The following TP63 variants were observed in gnomAD, a reference collection of about 807,000 sequenced individuals.
TP63 encodes tumor protein 63.
In TP63, 17 loss-of-function variants were observed where a neutral mutation model predicts 82.8. The observed-to-expected ratio is 0.21, with a 90% CI of 0.14 to 0.31. The LOEUF is 0.31. TP63 is among the 10% of genes least tolerant of loss of function. TP63 has a pLI of 1.00. For synonymous variants in TP63, 330 were observed against 321.7 expected (o/e 1.03, Z -0.28); for missense variants, 648 against 895.3 (o/e 0.72, Z 3.52).
chr3:189,771,302 A>ATATATATAATATATATT (rs1173675085), intron 3 of TP63, among the ~76,000 whole-genome samples: 2 of 123,390 alleles, frequency 1.6e-5, no homozygotes, highest in Non-Finnish European at 3.1e-5. Flanking sequence ...TATTATATTT[A>ATATATATAATATATATT]TATATATAAT....
intron 7 of TP63, among the ~76,000 whole-genome samples, 198 bp downstream of exon 7, chr3:189,868,140 A>G (rs1717961947): frequency 6.6e-6 from 1 of 152,218 alleles, no homozygotes; most frequent in East Asian, 1.9e-4. Flanking sequence ...GTTAGAAGGA[A>G]AAAAAGAGCT....
intron 4 of TP63, among the ~76,000 whole-genome samples, chr3:189,812,336 GACA>G (rs1462508607): frequency 2.0e-5 from 3 of 152,096 alleles, no homozygotes; most frequent in Non-Finnish European, 2.9e-5. Context: ...AGTAAAATAA[GACA>G]ACATTTTTCA....
chr3:189,655,271 C>CG (rs1713240056), intron 1 of TP63, among the ~76,000 whole-genome samples: 1 of 152,112 alleles, frequency 6.6e-6, no homozygotes, highest in Non-Finnish European at 1.5e-5. Flanking sequence ...AAAAGCTGGA[C>CG]AAATCAATAA....
chr3:189,745,708 CA>C (rs71298529), intron 3 of TP63, among the ~76,000 whole-genome samples: 1,022 of 17,728 alleles, frequency 0.058, 1 homozygote, highest in African/African-American at 0.13. Context: ...AACTCCATCT[CA>C]AAAAAAAAAA....
intron 1 of TP63, among the ~76,000 whole-genome samples, chr3:189,725,778 G>A (rs1024879157): frequency 1.3e-5 from 2 of 152,150 alleles, no homozygotes; most frequent in African/African-American, 4.8e-5. Context: ...TTTGCAGGCC[G>A]GGTGTGGTGG....
At chr3:189,797,693 C>G (rs925880865) in intron 3 of TP63, among the ~76,000 whole-genome samples, 3 of 152,024 alleles carry the variant, frequency 2.0e-5, no homozygotes, top group African/African-American at 7.2e-5. Flanking sequence ...TGAAGAGAAA[C>G]AGTAACACTG....
intron 1 of TP63, among the ~76,000 whole-genome samples, chr3:189,647,015 A>G (rs559031858): frequency 6.8e-6 from 1 of 147,330 alleles, no homozygotes; most frequent in South Asian, 2.2e-4. Flanking sequence ...AGGCTGGGTA[A>G]CTAATGGTGA....
At chr3:189,848,621 T>C (rs1468521208) in intron 4 of TP63, among the ~76,000 whole-genome samples, 1 of 152,220 alleles carries the variant, frequency 6.6e-6, no homozygotes, top group African/African-American at 2.4e-5. Context: ...AAGCCCTTGC[T>C]TTAAGATGTC....
the TP63 span, among the ~76,000 whole-genome samples, chr3:189,613,113 T>G: frequency 6.6e-6 from 1 of 152,340 alleles, no homozygotes; most frequent in African/African-American, 2.4e-5. Context: ...AACCTAATGT[T>G]AATCCCCAAG....
Position 189,853,678 on chromosome 3 carries a change from C to G in TP63, c.580-10554C>G, listed in dbSNP as rs1045871044. Reference sequence around the variant, plus strand: ...TTGAATTTACCCTGATTTACTTTTTCTTATAGCACTTATCACTATCTGACA... The same window carrying G: ...TTGAATTTACCCTGATTTACTTTTTGTTATAGCACTTATCACTATCTGACA... On this transcript the variant is annotated intron_variant, in intron 4 of 13. Transcript: ENST00000264731. 7.2e-5 allele frequency among the ~76,000 whole-genome samples: 11 copies of G among 152,272 alleles called. No homozygotes were observed. In the East Asian group the frequency reaches 2.1e-3, roughly 29 times the overall value.
chr3:189,732,694 G>A (rs1720261460), intron 1 of TP63, among the ~76,000 whole-genome samples: 1 of 152,148 alleles, frequency 6.6e-6, no homozygotes. Flanking sequence ...TGGCCTCAAA[G>A]CATGTCATTA....
At chr3:189,889,023 C>T (rs1238875545) in intron 11 of TP63, among the ~76,000 whole-genome samples, 1 of 152,124 alleles carries the variant, frequency 6.6e-6, no homozygotes, top group Non-Finnish European at 1.5e-5. Context: ...AAATATCACC[C>T]TCGAAGGCAA....
rs1560167431 is a variant in TP63 at position 189,765,432 on chromosome 3, G to GTTTTTTTTTTTTTTTTTT, written c.324+26658_324+26659insTTTTTTTTTTTTTTTTTT. Among the ~76,000 whole-genome samples the GTTTTTTTTTTTTTTTTTT allele has an allele frequency of 9.7e-4, 6 of 6,184 alleles. 1 individual carries two copies. The highest frequency in any genetic ancestry group is 2.5e-3 in the East Asian group (1 of 402). 4.1% of individuals were successfully genotyped at this position (6,184 alleles called of 152,430 possible). A position where few individuals can be genotyped will look rare whatever the true frequency, so the allele number is the denominator to read the frequency against. On this transcript the variant is annotated intron_variant, in intron 3 of 13. Transcript: ENST00000264731. ...GGGCTTTGTAAATATCCTGTCCTCTGCTTTTTTTTTTTTTTTTTTTTTGAG... is the reference window on the plus strand; with the variant it reads ...GGGCTTTGTAAATATCCTGTCCTCTGTTTTTTTTTTTTTTTTTTCTTTTTTTTTTTTTTTTTTTTTGAG...
intron 1 of TP63, among the ~76,000 whole-genome samples, chr3:189,656,951 C>G (rs1234921609): frequency 2.9e-5 from 2 of 69,212 alleles, no homozygotes; most frequent in African/African-American, 3.9e-5. Flanking sequence ...AGTGAATAAA[C>G]TGCAGTGCAT....
At chr3:189,683,022 T>C (rs746623003) in intron 1 of TP63, among the ~76,000 whole-genome samples, 8 of 152,204 alleles carry the variant, frequency 5.3e-5, no homozygotes, top group Non-Finnish European at 8.8e-5. Flanking sequence ...TTCAGATGCT[T>C]TTATTATTTC....
At chr3:189,760,324 G>A (rs898604966) in intron 3 of TP63, among the ~76,000 whole-genome samples, 2 of 152,156 alleles carry the variant, frequency 1.3e-5, no homozygotes, top group Non-Finnish European at 2.9e-5. Flanking sequence ...AAAATCAAAA[G>A]CAAGTTAGTT....
In TP63 at chr3:189,682,547, AAAAAAAATATATATAT is replaced by A. The variant is rs1382987742; in HGVS notation, c.62+50972_62+50987del. Among the ~76,000 whole-genome samples the A allele has an allele frequency of 9.7e-4, 27 of 27,748 alleles. No individual in the cohort carries two copies. In the Admixed American group the frequency reaches 0.01, roughly 10 times the overall value. 18.2% of individuals were successfully genotyped at this position (27,748 alleles called of 152,430 possible). A position where few individuals can be genotyped will look rare whatever the true frequency, so the allele number is the denominator to read the frequency against. ...CTTGGTCCTAAGGGGAAAAAAAAAA[AAAAAAAATATATATAT>A]ATATATATATATATATATATATATA... On this transcript the variant is annotated intron_variant, in intron 1 of 13. Transcript: ENST00000264731.
At chr3:189,787,082 C>T (rs1460837093) in intron 3 of TP63, among the ~76,000 whole-genome samples, 1 of 152,016 alleles carries the variant, frequency 6.6e-6, no homozygotes, top group African/African-American at 2.4e-5. Context: ...TCTACATGAA[C>T]TATTAGCGAA....
intron 3 of TP63, among the ~76,000 whole-genome samples, chr3:189,757,755 C>G (rs1437483241): frequency 1.3e-5 from 2 of 152,156 alleles, no homozygotes; most frequent in Admixed American, 6.5e-5. Flanking sequence ...CCCTCACCAG[C>G]AATCTCAGAT....
Sources: gnomAD v4.1 joint callset for allele counts (sites outside exome capture counted in the v4.1 genomes callset) on GRCh38, gnomAD v4.1.1 for gene constraint, MANE v1.5 for transcripts, NCBI Gene and HGNC (gene_info 2026-07-23, HGNC 2026-07-21) for gene names.